The following MMP26 variants were observed in gnomAD, a reference collection of about 807,000 sequenced individuals.
MMP26 encodes matrix metalloproteinase-26.
A neutral mutation model predicts 31.0 loss-of-function variants in MMP26; 33 were observed. That is an observed-to-expected ratio of 1.06 (90% confidence interval 0.81 to 1.42). MMP26 has a LOEUF of 1.42. MMP26 is among the 40% of genes most tolerant of loss of function. The pLI is 0.00. For synonymous variants in MMP26, 122 were observed against 114.9 expected (o/e 1.06, Z -0.40); for missense variants, 347 against 316.1 (o/e 1.10, Z -0.74).
chr11:4,778,647 G>A (rs528043612), intron 2 of MMP26, among the ~76,000 whole-genome samples: 218 of 152,072 alleles, frequency 1.4e-3, no homozygotes, highest in African/African-American at 5.0e-3. Context: ...ACCACTGTAG[G>A]AAAACCTGCT....
At chr11:4,907,179 G>T (rs1374641012) in intron 2 of MMP26, among the ~76,000 whole-genome samples, 1 of 150,760 alleles carries the variant, frequency 6.6e-6, no homozygotes, top group Non-Finnish European at 1.5e-5. Context: ...TACCATGCTG[G>T]AGAATATGAA....
At chr11:4,822,720 A>G (rs1305659837) in intron 2 of MMP26, among the ~76,000 whole-genome samples, 1 of 152,200 alleles carries the variant, frequency 6.6e-6, no homozygotes, top group Non-Finnish European at 1.5e-5. Flanking sequence ...TATTTTCTGA[A>G]TGACACACAG....
chr11:4,718,967 C>T, intron 1 of MMP26: 1 of 189,938 alleles, frequency 5.3e-6, no homozygotes, highest in Non-Finnish European at 1.1e-5. Flanking sequence ...GTGCTGTTGG[C>T]CATGGCTTTT....
At chr11:4,771,258 G>C (rs911197193) in intron 2 of MMP26, among the ~76,000 whole-genome samples, 12 of 152,200 alleles carry the variant, frequency 7.9e-5, no homozygotes, top group African/African-American at 1.2e-4. Flanking sequence ...TAAGAAAGTA[G>C]TGGGTGATTA....
intron 1 of MMP26, chr11:4,723,997 C>A (rs1848060530): frequency 4.2e-6 from 3 of 714,322 alleles, no homozygotes; most frequent in South Asian, 3.1e-5. Flanking sequence ...GCCTCCCATG[C>A]CGCTGGACCC....
chr11:4,852,783 A>G (rs972205987), intron 2 of MMP26, among the ~76,000 whole-genome samples: 2 of 152,182 alleles, frequency 1.3e-5, no homozygotes, highest in Non-Finnish European at 2.9e-5. Flanking sequence ...CCATTGAAGC[A>G]TTATTCATAA....
intron 2 of MMP26, among the ~76,000 whole-genome samples, chr11:4,898,603 A>G (rs1042051541): frequency 1.3e-5 from 2 of 152,102 alleles, no homozygotes; most frequent in African/African-American, 4.8e-5. Flanking sequence ...GGAATGTTGA[A>G]TCTCTGGGTT....
intron 2 of MMP26, among the ~76,000 whole-genome samples, chr11:4,831,795 A>G (rs1185605524): frequency 6.6e-6 from 1 of 152,220 alleles, no homozygotes; most frequent in Non-Finnish European, 1.5e-5. Context: ...GTTTAATTGA[A>G]TCAAAAATCT....
intron 2 of MMP26, among the ~76,000 whole-genome samples, chr11:4,884,759 CAG>C (rs1224903219): frequency 2.6e-5 from 4 of 152,080 alleles, no homozygotes; most frequent in Admixed American, 2.6e-4. Context: ...TCTGGAAAAA[CAG>C]TATTTTTTTT....
chr11:4,904,811 A>G (rs1169192918), intron 2 of MMP26, among the ~76,000 whole-genome samples: 1 of 152,168 alleles, frequency 6.6e-6, no homozygotes, highest in African/African-American at 2.4e-5. Context: ...TATTTCTTCC[A>G]TTCACATTTA....
chr11:4,977,595 C>T (rs1478837558), intron 2 of MMP26, among the ~76,000 whole-genome samples: 3 of 152,108 alleles, frequency 2.0e-5, no homozygotes, highest in African/African-American at 7.2e-5. Context: ...CCAGGAGATT[C>T]ACTGAGCATC....
At chr11:4,868,252 C>G (rs576102506) in intron 2 of MMP26, among the ~76,000 whole-genome samples, 2 of 152,070 alleles carry the variant, frequency 1.3e-5, no homozygotes, top group Non-Finnish European at 2.9e-5. Flanking sequence ...GGAGGGTATT[C>G]AGTTAGGAAA....
chr11:4,958,240 C>T (rs1434455184), intron 2 of MMP26, among the ~76,000 whole-genome samples: 1 of 152,196 alleles, frequency 6.6e-6, no homozygotes, highest in Non-Finnish European at 1.5e-5. Flanking sequence ...TGTGCTCTGT[C>T]CAGAATTTGG....
chr11:4,918,526 T>C (rs1296025815), intron 2 of MMP26, among the ~76,000 whole-genome samples: 1 of 152,146 alleles, frequency 6.6e-6, no homozygotes, highest in Admixed American at 6.5e-5. Context: ...AGATATCTGC[T>C]TGGAAAAGAT....
At chr11:4,711,142 C>T (rs1364263529) in intron 1 of MMP26, 6 of 152,172 alleles carry the variant, frequency 3.9e-5, no homozygotes, top group African/African-American at 1.2e-4. Context: ...ATGTTCAACA[C>T]ATCATTCATT....
intron 2 of MMP26, among the ~76,000 whole-genome samples, chr11:4,983,611 T>C (rs1490960898): frequency 6.6e-6 from 1 of 152,162 alleles, no homozygotes; most frequent in Non-Finnish European, 1.5e-5. Context: ...ACTATAGCCA[T>C]AATGAGAAAG....
At chr11:4,978,475 A>G (rs960608238) in intron 2 of MMP26, among the ~76,000 whole-genome samples, 4 of 152,120 alleles carry the variant, frequency 2.6e-5, no homozygotes, top group African/African-American at 9.7e-5. Flanking sequence ...TTTTGGTACA[A>G]TATTTTTACC....
At chr11:4,934,773 C>A (rs1171113519) in intron 2 of MMP26, among the ~76,000 whole-genome samples, 14 of 149,492 alleles carry the variant, frequency 9.4e-5, no homozygotes, top group Non-Finnish European at 1.2e-4. Flanking sequence ...GGAAGGGATC[C>A]AGTTTGAGCT....
chr11:4,753,454 T>A (rs1337195289), intron 1 of MMP26, among the ~76,000 whole-genome samples: 2 of 152,174 alleles, frequency 1.3e-5, no homozygotes, highest in Admixed American at 6.6e-5. Context: ...TCATTTTGAT[T>A]AAATTTTTCA....
Sources: gnomAD v4.1 joint callset for allele counts (sites outside exome capture counted in the v4.1 genomes callset) on GRCh38, gnomAD v4.1.1 for gene constraint, MANE v1.5 for transcripts, NCBI Gene and HGNC (gene_info 2026-07-23, HGNC 2026-07-21) for gene names.